Variants in ATP10A observed in about 807,000 individuals in gnomAD.
ATP10A encodes phospholipid-transporting ATPase VA.
ATP10A carries 111 observed loss-of-function variants against 147.8 expected under a neutral mutation model. The ratio of observed to expected loss-of-function variants is 0.75; its 90% confidence interval spans 0.64 to 0.88. The LOEUF is 0.88. Ranked by LOEUF, ATP10A falls within the 40% of genes least tolerant of loss-of-function variation. The pLI, the probability that ATP10A is intolerant of heterozygous loss-of-function variation, is 0.00. For missense variants in ATP10A, 1,927 were observed against 1,959.0 expected, an observed-to-expected ratio of 0.98 and a Z score of 0.31; for synonymous variants, 875 against 841.6, an observed-to-expected ratio of 1.04 and a Z score of -0.69.
At chr15:25,832,342 A>T (rs1892396053) in intron 1 of ATP10A, among the ~76,000 whole-genome samples, 1 of 152,204 alleles carries the variant, frequency 6.6e-6, no homozygotes, top group Non-Finnish European at 1.5e-5. Context: ...CTCATTCAGC[A>T]ATGGGTGGAA....
At chr15:25,684,479 T>C (rs929292047) in intron 16 of ATP10A, among the ~76,000 whole-genome samples, 7 of 152,186 alleles carry the variant, frequency 4.6e-5, no homozygotes, top group Admixed American at 6.5e-5. Context: ...TGGAGAGCTA[T>C]AGGTGATCGC....
chr15:25,741,250 G>A (rs76904741), intron 2 of ATP10A, among the ~76,000 whole-genome samples: 3,092 of 152,244 alleles, frequency 0.02, 36 homozygotes, highest in Middle Eastern at 0.075. Context: ...AGAGGGTGAC[G>A]AATGCTTATT....
chr15:25,683,203 G>A (rs1899518350), intron 17 of ATP10A, 83 bp downstream of exon 17: 1 of 1,334,986 alleles, frequency 7.5e-7, no homozygotes, highest in Admixed American at 1.8e-5. Flanking sequence ...TCTGAAGGGA[G>A]GCTGGGGGAC....
At chr15:25,674,301 G>A (rs765245691), downstream of ATP10A, among the ~76,000 whole-genome samples, 3 of 152,188 alleles carry the variant, frequency 2.0e-5, no homozygotes, top group African/African-American at 7.2e-5. Flanking sequence ...TACCCCAAAG[G>A]CCTGAGAGTG....
downstream of ATP10A, among the ~76,000 whole-genome samples, chr15:25,674,586 G>C (rs1349711873): frequency 6.6e-6 from 1 of 152,218 alleles, no homozygotes; most frequent in Non-Finnish European, 1.5e-5. Context: ...TGAAGGCATA[G>C]ATGGGTCAGC....
At chr15:25,852,877 C>T (rs1160811132) in intron 1 of ATP10A, among the ~76,000 whole-genome samples, 1 of 152,198 alleles carries the variant, frequency 6.6e-6, no homozygotes, top group Admixed American at 6.5e-5. Context: ...GGCAATCATT[C>T]TCCCACAGTT....
In ATP10A at chr15:25,781,049, C is replaced by A; in HGVS notation, c.624G>T (p.Arg208=). 1 of 1,614,118 alleles carries A rather than the reference C, an allele frequency of 6.2e-7. No individual in the cohort carries two copies. Among genetic ancestry groups the A allele is most frequent in the Non-Finnish European group, 8.5e-7 (1 of 1,180,016 alleles). The change falls in exon 2 of 21, where the codon CGG becomes CGT. Residue 208 remains arginine, a synonymous_variant. Transcript: ENST00000555815. ...ANLDGETNLK[R]RQVVRGFSEL... is the part of the protein sequence containing the mutation. ...CCGAGAAGCCGCGGACCACCTGCCG[C>A]CGCTTCAGGTTGGTCTCTCCATCCA...
intron 2 of ATP10A, among the ~76,000 whole-genome samples, chr15:25,776,963 GC>G (rs1889636331): frequency 6.6e-6 from 1 of 152,012 alleles, no homozygotes; most frequent in Non-Finnish European, 1.5e-5. Context: ...CCTAACAAAA[GC>G]CCCCTGGACT....
intron 1 of ATP10A, among the ~76,000 whole-genome samples, chr15:25,800,576 C>T (rs562480547): frequency 5.3e-5 from 8 of 152,304 alleles, no homozygotes; most frequent in Admixed American, 3.3e-4. Context: ...ACTGTTCCAC[C>T]GTGCACCTTC....
At chr15:25,684,451 AG>A (rs1370392295) in intron 16 of ATP10A, among the ~76,000 whole-genome samples, 3 of 152,290 alleles carry the variant, frequency 2.0e-5, no homozygotes, top group Middle Eastern at 3.4e-3. Flanking sequence ...GTACATTTAG[AG>A]GACTCACCAG....
chr15:25,715,633 G>C (rs946322684), intron 9 of ATP10A, among the ~76,000 whole-genome samples: 2 of 152,268 alleles, frequency 1.3e-5, no homozygotes, highest in African/African-American at 4.8e-5. Flanking sequence ...GCAGCTTCGG[G>C]AAGCAGCTCC....
chr15:25,733,674 C>T (rs985536434), intron 3 of ATP10A, among the ~76,000 whole-genome samples: 4 of 152,218 alleles, frequency 2.6e-5, no homozygotes, highest in African/African-American at 4.8e-5. Context: ...CGTTAAAGAG[C>T]GTCAGGTGTG....
At chr15:25,765,799 CG>C (rs1450424617) in intron 2 of ATP10A, among the ~76,000 whole-genome samples, 1 of 151,986 alleles carries the variant, frequency 6.6e-6, no homozygotes, top group Non-Finnish European at 1.5e-5. Context: ...CTCCTGGTGC[CG>C]GTCTCACCTT....
chr15:25,789,565 A>AGTGTGTGTGTGTGTGTGTGTGT lies in ATP10A; in HGVS notation c.450-8364_450-8343dup, dbSNP rs59744412. Among the ~76,000 whole-genome samples, 1,227 of 141,398 alleles carry AGTGTGTGTGTGTGTGTGTGTGT rather than the reference A, an allele frequency of 8.7e-3. 6 individuals carry two copies. Among genetic ancestry groups the AGTGTGTGTGTGTGTGTGTGTGT allele is most frequent in the African/African-American group, 0.016 (621 of 38,894 alleles). 92.8% of individuals were successfully genotyped at this position (141,398 alleles called of 152,430 possible). On this transcript the variant is annotated intron_variant, in intron 1 of 20. Coordinates refer to ENST00000555815, the MANE Select transcript of ATP10A (RefSeq NM_024490.4). Reference sequence around the variant, plus strand: ...TTTTCATATGGTGGACCAATAAAGAAGTGTGTGTGTGTGTGTGTGTGTGTG... The same window carrying AGTGTGTGTGTGTGTGTGTGTGT: ...TTTTCATATGGTGGACCAATAAAGAAGTGTGTGTGTGTGTGTGTGTGTGTGTGTGTGTGTGTGTGTGTGTGTG...
intron 14 of ATP10A, among the ~76,000 whole-genome samples, chr15:25,693,630 G>A (rs1251452594): frequency 6.6e-6 from 1 of 152,192 alleles, no homozygotes; most frequent in Non-Finnish European, 1.5e-5. Context: ...GCTCCTCAGG[G>A]AAACCTGAGG....
intron 16 of ATP10A, among the ~76,000 whole-genome samples, chr15:25,684,493 C>T (rs558330202): frequency 3.9e-5 from 6 of 152,292 alleles, no homozygotes; most frequent in African/African-American, 9.6e-5. Context: ...TGATCGCCTA[C>T]GGTGTATGGT....
At chr15:25,820,269 G>A (rs17116217) in intron 1 of ATP10A, among the ~76,000 whole-genome samples, 5,046 of 152,224 alleles carry the variant, frequency 0.033, 197 homozygotes, top group African/African-American at 0.097. Flanking sequence ...CGGAAGGTAG[G>A]TCCATTCACC....
intron 13 of ATP10A, among the ~76,000 whole-genome samples, chr15:25,698,032 G>A (rs1900443470): frequency 6.6e-6 from 1 of 152,218 alleles, no homozygotes; most frequent in Non-Finnish European, 1.5e-5. Context: ...AAGTGTCACA[G>A]CCAAGAAGAG....
chr15:25,781,082 G>A lies in ATP10A; in HGVS notation c.591C>T (p.Thr197=), dbSNP rs201825011. 1.1e-5 allele frequency: 17 copies of A among 1,614,078 alleles called. No homozygotes were observed. The highest frequency in any genetic ancestry group is 1.7e-5 in the Admixed American group (1 of 60,002). The change falls in exon 2 of 21, where the codon ACC becomes ACT. Residue 197 remains threonine, a synonymous_variant. Coordinates refer to ENST00000555815, the MANE Select transcript of ATP10A (RefSeq NM_024490.4). ...GGTTGGTCTCTCCATCCAGGTTGGC[G>A]GTCTCGATGTGGCATAGCCCGTCGG... ...SDPDGLCHIE[T]ANLDGETNLK... is the part of the protein sequence containing the mutation.
Sources: allele counts gnomAD v4.1 joint callset (sites outside exome capture counted in the v4.1 genomes callset), GRCh38; gene constraint gnomAD v4.1.1; transcripts MANE v1.5; gene names NCBI Gene and HGNC (gene_info 2026-07-23, HGNC 2026-07-21).